The following KCTD8 variants were observed in gnomAD, a reference collection of about 807,000 sequenced individuals.
The protein encoded by KCTD8 is BTB/POZ domain-containing protein KCTD8.
Under a neutral mutation model 31.5 loss-of-function variants are expected in KCTD8, and 27 were observed. The observed-to-expected ratio is 0.86, with a 90% CI of 0.63 to 1.18. The LOEUF (loss-of-function observed/expected upper bound fraction) is 1.18. Among genes scored for constraint, KCTD8 ranks in the 50% most tolerant of loss-of-function variants. KCTD8 has a pLI of 0.00. For synonymous variants in KCTD8, 290 were observed against 280.0 expected, an observed-to-expected ratio of 1.04 and a Z score of -0.36; for missense variants, 658 against 647.7, an observed-to-expected ratio of 1.02 and a Z score of -0.17.
chr4:44,344,746 A>T (rs1263144307), intron 1 of KCTD8, among the ~76,000 whole-genome samples: 1 of 152,186 alleles, frequency 6.6e-6, no homozygotes, highest in African/African-American at 2.4e-5. Context: ...GCTTATATTA[A>T]TTTTTCAATT....
chr4:44,182,173 G>A (rs1167710791), intron 1 of KCTD8, among the ~76,000 whole-genome samples: 2 of 151,296 alleles, frequency 1.3e-5, no homozygotes, highest in East Asian at 4.0e-4. Flanking sequence ...GGAGGTGGGG[G>A]GGCGCCTCCG....
chr4:44,334,782 C>T (rs1408563966), intron 1 of KCTD8, among the ~76,000 whole-genome samples: 1 of 152,052 alleles, frequency 6.6e-6, no homozygotes, highest in East Asian at 1.9e-4. Context: ...TAGTAACTGT[C>T]ATGAATTATA....
chr4:44,259,434 G>T (rs73245591), intron 1 of KCTD8, among the ~76,000 whole-genome samples: 2,725 of 151,810 alleles, frequency 0.018, 26 homozygotes, highest in Middle Eastern at 0.068. Flanking sequence ...AGTACATATG[G>T]CCATAGGATT....
At chr4:44,385,765 C>A (rs1328947076) in intron 1 of KCTD8, among the ~76,000 whole-genome samples, 3 of 151,578 alleles carry the variant, frequency 2.0e-5, no homozygotes, top group East Asian at 1.9e-4. Flanking sequence ...GATGAAAAGA[C>A]AACCCACAGA....
chr4:44,351,518 A>T (rs1719194918), intron 1 of KCTD8, among the ~76,000 whole-genome samples: 1 of 152,152 alleles, frequency 6.6e-6, no homozygotes, highest in East Asian at 1.9e-4. Flanking sequence ...TTGGTTTTTA[A>T]ATTATATATT....
intron 1 of KCTD8, among the ~76,000 whole-genome samples, chr4:44,175,659 G>A (rs1713193973): frequency 6.6e-6 from 1 of 152,120 alleles, no homozygotes; most frequent in African/African-American, 2.4e-5. Flanking sequence ...CACTGCACTA[G>A]GTGTCCTTTG....
intron 1 of KCTD8, among the ~76,000 whole-genome samples, chr4:44,234,290 T>C (rs1001608119): frequency 4.6e-5 from 7 of 152,146 alleles, no homozygotes; most frequent in Non-Finnish European, 8.8e-5. Flanking sequence ...TGTTTGGTTA[T>C]GGGCATCTAT....
chr4:44,447,056 C>CTGCACGGCAGCT (rs1223147473), intron 1 of KCTD8, among the ~76,000 whole-genome samples: 1 of 152,218 alleles, frequency 6.6e-6, no homozygotes, highest in African/African-American at 2.4e-5. Flanking sequence ...ACTGGAGGCT[C>CTGCACGGCAGCT]CCGCGCGGCA....
chr4:44,213,910 TA>T (rs1384976867), intron 1 of KCTD8, among the ~76,000 whole-genome samples: 1 of 152,190 alleles, frequency 6.6e-6, no homozygotes, highest in Non-Finnish European at 1.5e-5. Flanking sequence ...TCCCCTTTTA[TA>T]AAGAAATTTA....
In KCTD8 at chr4:44,409,699, G is replaced by T. The variant is rs562350065; in HGVS notation, c.961+37864C>A. Reference sequence around the variant, plus strand: ...AGAAAAATATGCTTAAGAATCTGCAGAAAAAAAAAGCATTAAAAAAAAGCT... The same window carrying T: ...AGAAAAATATGCTTAAGAATCTGCATAAAAAAAAAGCATTAAAAAAAAGCT... On this transcript the variant is annotated intron_variant, in intron 1 of 1. Coordinates refer to ENST00000360029, the MANE Select transcript of KCTD8 (RefSeq NM_198353.3). Among the ~76,000 whole-genome samples the T allele has an allele frequency of 3.6e-3, 530 of 148,824 alleles. 4 individuals carry two copies. Among genetic ancestry groups the T allele is most frequent in the African/African-American group, 0.012 (507 of 40,658 alleles).
chr4:44,446,791 C>T (rs937543130), intron 1 of KCTD8, among the ~76,000 whole-genome samples: 2 of 152,186 alleles, frequency 1.3e-5, no homozygotes, highest in Admixed American at 6.5e-5. Flanking sequence ...AACACCTTCC[C>T]TCCCTCCTCC....
At chr4:44,377,462 C>CT (rs1403382169) in intron 1 of KCTD8, among the ~76,000 whole-genome samples, 1 of 152,172 alleles carries the variant, frequency 6.6e-6, no homozygotes, top group Non-Finnish European at 1.5e-5. Flanking sequence ...AAGGCCATTT[C>CT]TGGGGGGTAG....
chr4:44,407,428 C>T (rs1325011698), intron 1 of KCTD8, among the ~76,000 whole-genome samples: 2 of 149,598 alleles, frequency 1.3e-5, no homozygotes, highest in Admixed American at 1.3e-4. Context: ...ACTCTTGTTG[C>T]CCAGACTGAG....
At chr4:44,261,786 A>G (rs1049673817) in intron 1 of KCTD8, among the ~76,000 whole-genome samples, 1 of 152,034 alleles carries the variant, frequency 6.6e-6, no homozygotes, top group Non-Finnish European at 1.5e-5. Context: ...TGGCTGAATA[A>G]TATTTCATTA....
chr4:44,338,106 A>T (rs1718804044), intron 1 of KCTD8, among the ~76,000 whole-genome samples: 1 of 152,124 alleles, frequency 6.6e-6, no homozygotes, highest in Non-Finnish European at 1.5e-5. Flanking sequence ...ATATATAGGT[A>T]CAGGGGTAAA....
intron 1 of KCTD8, among the ~76,000 whole-genome samples, chr4:44,200,633 G>A (rs1434963252): frequency 5.3e-5 from 8 of 151,834 alleles, no homozygotes; most frequent in Non-Finnish European, 1.2e-4. Flanking sequence ...CCATCAACAG[G>A]CTAGGCATTG....
intron 1 of KCTD8, among the ~76,000 whole-genome samples, chr4:44,354,550 C>T (rs1208682800): frequency 6.6e-6 from 1 of 152,178 alleles, no homozygotes; most frequent in Non-Finnish European, 1.5e-5. Context: ...GCAACCTCCT[C>T]TTCCTGGATC....
At chr4:44,303,143 G>T (rs1717682733) in intron 1 of KCTD8, among the ~76,000 whole-genome samples, 2 of 152,154 alleles carry the variant, frequency 1.3e-5, no homozygotes, top group African/African-American at 4.8e-5. Flanking sequence ...GAGGATTTTT[G>T]CATCGATGTT....
chr4:44,370,348 G>A (rs934246464), intron 1 of KCTD8, among the ~76,000 whole-genome samples: 5 of 152,106 alleles, frequency 3.3e-5, no homozygotes, highest in African/African-American at 1.2e-4. Context: ...TTCCAAGATG[G>A]TAATATATAA....
Sources: allele counts gnomAD v4.1 joint callset (sites outside exome capture counted in the v4.1 genomes callset), GRCh38; gene constraint gnomAD v4.1.1; transcripts MANE v1.5; gene names NCBI Gene and HGNC (gene_info 2026-07-23, HGNC 2026-07-21).